DPP6: variants seen among roughly 807,000 people sequenced by gnomAD.
The protein encoded by DPP6 is dipeptidyl peptidase like 6, also known as A-type potassium channel modulatory protein DPP6.
Under a neutral mutation model 122.6 loss-of-function variants are expected in DPP6, and 69 were observed. The ratio of observed to expected loss-of-function variants is 0.56; its 90% CI spans 0.46 to 0.69. The LOEUF (loss-of-function observed/expected upper bound fraction) is 0.69, where lower values mean the gene tolerates loss of function less well. Among genes scored for constraint, DPP6 ranks in the 30% least tolerant of loss-of-function variants. DPP6 has a pLI of 0.00. For synonymous variants in DPP6, 418 were observed against 433.1 expected, an observed-to-expected ratio of 0.97 and a Z score of 0.43; for missense variants, 928 against 1,116.9, an observed-to-expected ratio of 0.83 and a Z score of 2.41.
At chr7:154,579,888 A>G (rs1315733269) in intron 5 of DPP6, among the ~76,000 whole-genome samples, 3 of 152,102 alleles carry the variant, frequency 2.0e-5, no homozygotes, top group Admixed American at 6.5e-5. Flanking sequence ...GACCTTAGGG[A>G]TACTTGGGGC....
intron 1 of DPP6, among the ~76,000 whole-genome samples, chr7:154,091,075 T>C (rs1472651670): frequency 2.0e-5 from 3 of 150,466 alleles, no homozygotes; most frequent in African/African-American, 4.9e-5. Flanking sequence ...GAGCCGAGAC[T>C]GCGCCACTGC....
chr7:154,694,916 C>T (rs1840132952), intron 7 of DPP6, among the ~76,000 whole-genome samples: 2 of 152,192 alleles, frequency 1.3e-5, no homozygotes, highest in Admixed American at 6.5e-5. Context: ...CATGCACACA[C>T]ACCACCCATG....
chr7:154,119,535 G>A (rs959975794), intron 1 of DPP6, among the ~76,000 whole-genome samples: 28 of 151,446 alleles, frequency 1.8e-4, no homozygotes, highest in Non-Finnish European at 2.7e-4. Flanking sequence ...TCTCGGGCTG[G>A]TGTCATCTCA....
chr7:154,257,163 T>C (rs565993277), intron 1 of DPP6, among the ~76,000 whole-genome samples: 2 of 151,874 alleles, frequency 1.3e-5, no homozygotes, highest in Non-Finnish European at 2.9e-5. Context: ...TTTAAAAACA[T>C]TTTTTTGTAG....
intron 16 of DPP6, among the ~76,000 whole-genome samples, chr7:154,830,967 G>A (rs1800583031): frequency 6.6e-6 from 1 of 152,220 alleles, no homozygotes; most frequent in Non-Finnish European, 1.5e-5. Context: ...CAGCATGGCT[G>A]TAGTTGTGAA....
chr7:154,606,135 AC>A (rs1833581442), intron 5 of DPP6, among the ~76,000 whole-genome samples: 1 of 120,014 alleles, frequency 8.3e-6, no homozygotes. Context: ...TTGAAAGAGG[AC>A]CCTTCAATTG....
chr7:154,229,917 C>T (rs563524679), intron 1 of DPP6, among the ~76,000 whole-genome samples: 4 of 152,070 alleles, frequency 2.6e-5, no homozygotes, highest in Non-Finnish European at 5.9e-5. Flanking sequence ...TTATAATACA[C>T]ATTTTTTCAT....
chr7:154,379,472 C>T (rs1047938340), intron 1 of DPP6, among the ~76,000 whole-genome samples: 1 of 152,006 alleles, frequency 6.6e-6, no homozygotes, highest in African/African-American at 2.4e-5. Flanking sequence ...CAAACCTGCA[C>T]ATTGTGCACA....
the DPP6 span, among the ~76,000 whole-genome samples, chr7:153,879,979 T>G: frequency 6.6e-6 from 1 of 152,208 alleles, no homozygotes; most frequent in Non-Finnish European, 1.5e-5. Context: ...TCTAAATTTT[T>G]CTTTCTTTTG....
chr7:154,461,206 T>G (rs1043854010), intron 2 of DPP6, among the ~76,000 whole-genome samples: 1 of 152,228 alleles, frequency 6.6e-6, no homozygotes, highest in Non-Finnish European at 1.5e-5. Context: ...CATTCATTTT[T>G]TTGTGGCTGA....
At chr7:154,272,510 G>A (rs1334397259) in intron 1 of DPP6, among the ~76,000 whole-genome samples, 11 of 152,188 alleles carry the variant, frequency 7.2e-5, no homozygotes, top group Non-Finnish European at 1.6e-4. Context: ...AAGACTCATT[G>A]CAAAGCACTT....
intron 1 of DPP6, among the ~76,000 whole-genome samples, chr7:154,101,548 A>G (rs778242185): frequency 6.6e-6 from 1 of 151,908 alleles, no homozygotes; most frequent in Non-Finnish European, 1.5e-5. Flanking sequence ...GGTGATCAGC[A>G]ATGTTTAATG....
intron 11 of DPP6, among the ~76,000 whole-genome samples, chr7:154,795,083 A>G (rs1797960025): frequency 1.3e-5 from 2 of 151,994 alleles, no homozygotes; most frequent in Admixed American, 1.3e-4. Flanking sequence ...TATTCTGATG[A>G]GCTTGCTTGA....
chr7:154,545,244 C>A (rs1829074054), intron 4 of DPP6, among the ~76,000 whole-genome samples: 1 of 152,166 alleles, frequency 6.6e-6, no homozygotes, highest in South Asian at 2.1e-4. Context: ...CAAGATAGCA[C>A]ATCTTATCAA....
intron 1 of DPP6, among the ~76,000 whole-genome samples, chr7:154,344,009 C>G (rs756346163): frequency 1.3e-5 from 2 of 152,044 alleles, no homozygotes; most frequent in Non-Finnish European, 2.9e-5. Flanking sequence ...AGCCACCGTG[C>G]CCCACCCTCT....
chr7:153,978,363 T>G (rs1343108875), intron 1 of DPP6, among the ~76,000 whole-genome samples: 1 of 151,506 alleles, frequency 6.6e-6, no homozygotes, highest in Non-Finnish European at 1.5e-5. Flanking sequence ...GTTTGAAAAG[T>G]GTCTGTTCAT....
intron 16 of DPP6, among the ~76,000 whole-genome samples, chr7:154,826,405 C>G (rs935834110): frequency 7.9e-5 from 12 of 152,128 alleles, no homozygotes; most frequent in Admixed American, 7.9e-4. Context: ...AATCCTGATT[C>G]CTTGGCCAGT....
intron 1 of DPP6, among the ~76,000 whole-genome samples, chr7:153,896,435 C>A (rs1276264578): frequency 1.3e-5 from 2 of 151,392 alleles, no homozygotes; most frequent in Non-Finnish European, 2.9e-5. Flanking sequence ...ATTTTTTTTT[C>A]ATTCTTATAA....
At chr7:154,549,378 A>G (rs545346727) in intron 4 of DPP6, among the ~76,000 whole-genome samples, 36 of 152,370 alleles carry the variant, frequency 2.4e-4, no homozygotes, top group Admixed American at 5.9e-4. Flanking sequence ...TAAAATGCCT[A>G]CGTGCAAGAC....
Sources: allele counts gnomAD v4.1 joint callset (sites outside exome capture counted in the v4.1 genomes callset), GRCh38; gene constraint gnomAD v4.1.1; transcripts MANE v1.5; gene names NCBI Gene and HGNC (gene_info 2026-07-23, HGNC 2026-07-21).